The following GPLD1 variants were observed in gnomAD, a reference collection of about 807,000 sequenced individuals.
The protein encoded by GPLD1 is phosphatidylinositol-glycan-specific phospholipase D.
In GPLD1, 84 loss-of-function variants were observed where a neutral mutation model predicts 112.6. That is an observed-to-expected ratio of 0.75 (90% CI 0.63 to 0.89). The LOEUF (loss-of-function observed/expected upper bound fraction) is 0.89. Among genes scored for constraint, GPLD1 ranks in the 40% least tolerant of loss-of-function variants. GPLD1 has a pLI of 0.00. For missense variants in GPLD1, 1,044 were observed against 1,051.5 expected (o/e 0.99, Z 0.10); for synonymous variants, 386 against 403.8 (o/e 0.96, Z 0.53).
chr6:24,485,309 G>C (rs1212736495), intron 2 of GPLD1, among the ~76,000 whole-genome samples: 1 of 152,142 alleles, frequency 6.6e-6, no homozygotes, highest in Non-Finnish European at 1.5e-5. Flanking sequence ...AGGCCAAGGT[G>C]GAAGGATTGC....
In GPLD1 at chr6:24,428,790, G is replaced by C. The variant is rs1762314975; in HGVS notation, c.*242C>G. On this transcript the variant is annotated 3_prime_UTR_variant, in exon 25 of 25. Coordinates refer to ENST00000230036, the MANE Select transcript of GPLD1 (RefSeq NM_001503.4). ...AAAGGGAGCGAGGAAGTAAACTGTGGAAGGAGACATGAGTAAGCAGAATGT... is the reference window on the plus strand; with the variant it reads ...AAAGGGAGCGAGGAAGTAAACTGTGCAAGGAGACATGAGTAAGCAGAATGT... 1 of 370,338 alleles carries C rather than the reference G, an allele frequency of 2.7e-6. No individual in the cohort carries two copies. The highest frequency in any genetic ancestry group is 4.8e-6 in the Non-Finnish European group (1 of 207,188). The allele number at this position is 370,338 out of a possible 1,614,324, so 22.9% of individuals were successfully genotyped here. A position where few individuals can be genotyped will look rare whatever the true frequency, so the allele number is the denominator to read the frequency against.
intron 24 of GPLD1, among the ~76,000 whole-genome samples, chr6:24,431,475 T>C (rs1762402097): frequency 6.6e-6 from 1 of 152,234 alleles, no homozygotes; most frequent in Non-Finnish European, 1.5e-5. Context: ...TTTTTATTTC[T>C]TATAGCCTAT....
intron 15 of GPLD1, among the ~76,000 whole-genome samples, chr6:24,448,799 A>G (rs1447667480): frequency 6.6e-6 from 1 of 152,124 alleles, no homozygotes; most frequent in African/African-American, 2.4e-5. Flanking sequence ...TACCTGCCTG[A>G]GGATACACAC....
chr6:24,470,208 A>G lies in GPLD1; in HGVS notation c.545+2374T>C, dbSNP rs940110179. On this transcript the variant is annotated intron_variant, in intron 7 of 24. Coordinates refer to ENST00000230036, the MANE Select transcript of GPLD1 (RefSeq NM_001503.4). ...TGGAGCGCAGTGGCATGATCTCGGC[A>G]GTTCTTAACTTGAGCCTACTTATTC... is the stretch of plus-strand genomic sequence containing the variant. 3.9e-5 allele frequency among the ~76,000 whole-genome samples: 6 copies of G among 152,030 alleles called. No homozygotes were observed. In the East Asian group the frequency reaches 1.2e-3, roughly 29 times the overall value.
chr6:24,460,548 T>C (rs1269355100), intron 11 of GPLD1, 149 bp from the exon 12 acceptor site: 11 of 756,758 alleles, frequency 1.5e-5, no homozygotes, highest in Admixed American at 2.4e-5. Context: ...CAGAAAGTTT[T>C]AGAAAACCTT....
intron 15 of GPLD1, among the ~76,000 whole-genome samples, chr6:24,448,777 A>G (rs1479296220): frequency 6.6e-6 from 1 of 152,102 alleles, no homozygotes; most frequent in Non-Finnish European, 1.5e-5. Context: ...AACATACCAC[A>G]TCTGTACCAC....
At position 24,466,340 on chromosome 6, in the gene GPLD1, T is replaced by A. The variant is rs1194588588; in HGVS notation, c.821+340A>T. Among the ~76,000 whole-genome samples, 2 of 152,196 alleles carry A rather than the reference T, an allele frequency of 1.3e-5. 1 individual carries two copies. The highest frequency in any genetic ancestry group is 3.8e-4 in the East Asian group (2 of 5,200). On this transcript the variant is annotated intron_variant, in intron 10 of 24. Coordinates refer to ENST00000230036, the MANE Select transcript of GPLD1 (RefSeq NM_001503.4). ...TCCAGCCTGAGCAACAGAGCAAGAC[T>A]CTGTCTCAAAATAAAAAGAAAGAAA...
At position 24,446,848 on chromosome 6, in the gene GPLD1, T is replaced by C; in HGVS notation, c.1810A>G (p.Asn604Asp). Reference sequence around the variant, plus strand: ...CAGCATCAGCCTCACCTGCTGGCATTCTTCCAGGTCGGGCTCCCAACCAAC... The same window carrying C: ...CAGCATCAGCCTCACCTGCTGGCATCCTTCCAGGTCGGGCTCCCAACCAAC... ...LLLVGSPTWK[N>D]ASRLGHLLHI... Residue 604 changes from asparagine (N) to aspartate (D), a missense_variant, in exon 18 of 25, where the codon AAT becomes GAT. By Grantham distance (23) the Asn-to-Asp change is conservative (BLOSUM62 1). Coordinates refer to ENST00000230036, the MANE Select transcript of GPLD1 (RefSeq NM_001503.4). The C allele has an allele frequency of 6.2e-7, 1 of 1,613,700 alleles. No individual in the cohort carries two copies. Among genetic ancestry groups the C allele is most frequent in the Non-Finnish European group, 8.5e-7 (1 of 1,179,804 alleles).
chr6:24,473,664 C>T lies in GPLD1; in HGVS notation c.445G>A (p.Asp149Asn). 6.2e-7 allele frequency: 1 copy of T among 1,605,046 alleles called. No individual in the cohort carries two copies. The highest frequency in any genetic ancestry group is 8.5e-7 in the Non-Finnish European group (1 of 1,172,302). Residue 149 changes from aspartate to asparagine, a missense_variant, in exon 6 of 25, where the codon GAT becomes AAT. Transcript: ENST00000230036. The part of the protein sequence containing the change: ...QGFLRTMGAI[D>N]FHGSYSEAHS... Reference sequence around the variant, plus strand: ...GCCTCTGAATAGGAGCCGTGAAAATCAATCTAAGAAAGAAAGAGAACCATC... The same window carrying T: ...GCCTCTGAATAGGAGCCGTGAAAATTAATCTAAGAAAGAAAGAGAACCATC...
intron 5 of GPLD1, among the ~76,000 whole-genome samples, chr6:24,474,592 C>T (rs1235534131): frequency 6.6e-6 from 1 of 152,080 alleles, no homozygotes; most frequent in Non-Finnish European, 1.5e-5. Flanking sequence ...GTTTTCAGTA[C>T]ACATTAGCCA....
In GPLD1 at chr6:24,437,256, G is replaced by GT; in HGVS notation, c.2053dup (p.Thr685AsnfsTer16). On this transcript the variant is annotated frameshift_variant, in exon 21 of 25. Coordinates refer to ENST00000230036, the MANE Select transcript of GPLD1 (RefSeq NM_001503.4). LOFTEE classifies it high-confidence loss of function. ...GCGAGTGGCTCCGCCTTGGTGTAGGGTCACGGTCAGGAATGCCACCTTAGA... is the reference window on the plus strand; with the variant it reads ...GCGAGTGGCTCCGCCTTGGTGTAGGGTTCACGGTCAGGAATGCCACCTTAGA... The GT allele has an allele frequency of 1.2e-6, 2 of 1,614,024 alleles. No individual in the cohort carries two copies. Among genetic ancestry groups the GT allele is most frequent in the East Asian group, 4.5e-5 (2 of 44,890 alleles).
rs890252281 is a variant in GPLD1 at position 24,428,224 on chromosome 6, T to C, written c.*808A>G. Reference sequence around the variant, plus strand: ...CTTTGATTGGCATGGGCCAATCTGTTATTTTTAAGTTCAACTTTTTTTTAA... The same window carrying C: ...CTTTGATTGGCATGGGCCAATCTGTCATTTTTAAGTTCAACTTTTTTTTAA... On this transcript the variant is annotated 3_prime_UTR_variant, in exon 25 of 25. Transcript: ENST00000230036. 4 of 152,140 alleles carry C rather than the reference T, an allele frequency of 2.6e-5. No homozygotes were observed. Among genetic ancestry groups the C allele is most frequent in the African/African-American group, 9.7e-5 (4 of 41,434 alleles). The allele number at this position is 152,140 out of a possible 1,614,324, so 9.4% of individuals were successfully genotyped here.
At chr6:24,459,657 T>C (rs2127348027) in intron 12 of GPLD1, among the ~76,000 whole-genome samples, 1 of 152,358 alleles carries the variant, frequency 6.6e-6, no homozygotes, top group Non-Finnish European at 1.5e-5. Context: ...AGACTGAAAT[T>C]TTTTAAGGGT....
intron 14 of GPLD1, among the ~76,000 whole-genome samples, chr6:24,450,510 A>G (rs991900050): frequency 6.6e-6 from 1 of 151,872 alleles, no homozygotes; most frequent in African/African-American, 2.4e-5. Context: ...CAAAAAAACA[A>G]ACAAACAAAA....
chr6:24,481,651 A>G (rs1454846537), intron 2 of GPLD1, among the ~76,000 whole-genome samples: 2 of 152,030 alleles, frequency 1.3e-5, no homozygotes, highest in African/African-American at 4.8e-5. Context: ...ACCTTCCCCA[A>G]GACTTCTCCA....
intron 2 of GPLD1, among the ~76,000 whole-genome samples, chr6:24,485,109 T>C (rs1462953838): frequency 6.6e-6 from 1 of 152,240 alleles, no homozygotes; most frequent in Non-Finnish European, 1.5e-5. Context: ...GGATGAAGAA[T>C]CTCTGGAGAA....
intron 15 of GPLD1, 74 bp from the exon 16 acceptor site, chr6:24,448,282 A>G: frequency 1.0e-6 from 1 of 994,700 alleles, no homozygotes; most frequent in South Asian, 1.3e-5. Flanking sequence ...CAGAAGATAA[A>G]AAGGACTGAC....
rs745568364 is a variant in GPLD1 at position 24,466,771 on chromosome 6, G to C, written c.730C>G (p.Gln244Glu). 1.9e-6 allele frequency: 3 copies of C among 1,610,956 alleles called. No homozygotes were observed. Among genetic ancestry groups the C allele is most frequent in the Admixed American group, 3.3e-5 (2 of 60,004 alleles). The change falls in exon 10 of 25, where the codon CAA becomes GAA. Residue 244 changes from glutamine (Q) to glutamate (E), a missense_variant. Coordinates refer to ENST00000230036, the MANE Select transcript of GPLD1 (RefSeq NM_001503.4). ...TCCAGTCCTCCAAGAAAATACTCTT[G>C]GAATTGTTCCACCAAAAACGGGGAC... ...TKSPFLVEQF[Q>E]EYFLGGLDDM...
At chr6:24,463,884 T>G (rs1425499267) in intron 10 of GPLD1, among the ~76,000 whole-genome samples, 1 of 152,238 alleles carries the variant, frequency 6.6e-6, no homozygotes, top group Non-Finnish European at 1.5e-5. Context: ...TGTATATGTA[T>G]GCAAACAAGC....
Sources: allele counts gnomAD v4.1 joint callset (sites outside exome capture counted in the v4.1 genomes callset), GRCh38; gene constraint gnomAD v4.1.1; transcripts MANE v1.5; gene names NCBI Gene and HGNC (gene_info 2026-07-23, HGNC 2026-07-21).